UBR4: variants seen among roughly 807,000 people sequenced by gnomAD.
The protein encoded by UBR4 is E3 ubiquitin-protein ligase UBR4.
Under a neutral mutation model 575.6 loss-of-function variants are expected in UBR4, and 124 were observed. The ratio of observed to expected loss-of-function variants is 0.22; its 90% CI spans 0.19 to 0.25. The LOEUF (loss-of-function observed/expected upper bound fraction) is 0.25, where lower values mean the gene tolerates loss of function less well. Among genes scored for constraint, UBR4 ranks in the 10% least tolerant of loss-of-function variants. The probability of loss-of-function intolerance (pLI) is 1.00; values close to 1 mark genes in which losing one functional copy is unlikely to be tolerated. For missense variants in UBR4, 4,818 were observed against 6,478.8 expected, an observed-to-expected ratio of 0.74 and a Z score of 8.80; for synonymous variants, 2,455 against 2,473.7, an observed-to-expected ratio of 0.99 and a Z score of 0.22.
intron 37 of UBR4, 99 bp downstream of exon 37, chr1:19,161,490 C>A: frequency 6.8e-7 from 1 of 1,467,914 alleles, no homozygotes; most frequent in Non-Finnish European, 9.2e-7. Flanking sequence ...TATTCCTAGA[C>A]TCAGGTATCC....
intron 55 of UBR4, among the ~76,000 whole-genome samples, chr1:19,143,259 GAAGAAAGA>G (rs200550539): frequency 0.06 from 5,431 of 90,734 alleles, 226 homozygotes; most frequent in South Asian, 0.088. Context: ...AGGAAGGAAG[GAAGAAAGA>G]AAGAAAGAAA....
intron 60 of UBR4, among the ~76,000 whole-genome samples, chr1:19,130,737 T>C (rs143742586): frequency 2.6e-5 from 4 of 152,306 alleles, no homozygotes; most frequent in East Asian, 1.9e-4. Context: ...AGCAGTTCAA[T>C]AGTTTGAACA....
chr1:19,126,755 T>C (rs1056944615), intron 63 of UBR4, 100 bp from the exon 64 acceptor site: 21 of 1,243,658 alleles, frequency 1.7e-5, no homozygotes, highest in Non-Finnish European at 2.4e-5. Context: ...CACAACAGTC[T>C]TAGCTTTTAT....
chr1:19,199,923 A>G (rs982932990), intron 2 of UBR4, among the ~76,000 whole-genome samples, 169 bp from the exon 3 acceptor site: 1 of 152,242 alleles, frequency 6.6e-6, no homozygotes, highest in Non-Finnish European at 1.5e-5. Context: ...TAACTACCAG[A>G]TCAATTTATC....
rs2150401047 is a variant in UBR4, at chr1:19,156,855, C to T, written c.5831G>A (p.Arg1944His). Reference sequence around the variant, plus strand: ...AAAAGGAACTGGGGCAGAAGCCAAGCGGGTCAGAGTTAACTTCCTTTTGCT... The same window carrying T: ...AAAAGGAACTGGGGCAGAAGCCAAGTGGGTCAGAGTTAACTTCCTTTTGCT... ...DSSKRKLTLTRLASAPVPFTV... is the reference protein window; with the variant it reads ...DSSKRKLTLTHLASAPVPFTV... Residue 1944 changes from arginine (R) to histidine (H), a missense_variant, in exon 41 of 106, where the codon CGC becomes CAC. By Grantham distance (29) the Arg-to-His change is conservative. This residue lies in a region of UBR4 where 461 missense variants were observed against 606.9 expected (regional missense o/e 0.76). Transcript: ENST00000375254. 2 of 1,614,128 alleles carry T rather than the reference C, an allele frequency of 1.2e-6. No homozygotes were observed. The highest frequency in any genetic ancestry group is 1.7e-6 in the Non-Finnish European group (2 of 1,180,004).
rs991672136 is a variant in UBR4 at position 19,155,680 on chromosome 1, A to T, written c.6073-12T>A. The T allele has an allele frequency of 5.6e-6, 9 of 1,605,990 alleles. No individual in the cohort carries two copies. Among genetic ancestry groups the T allele is most frequent in the Non-Finnish European group, 6.8e-6 (8 of 1,172,998 alleles). On this transcript the variant is annotated splice_polypyrimidine_tract_variant and intron_variant, in intron 42 of 105. Transcript: ENST00000375254. The stretch of plus-strand genomic sequence containing the variant: ...CACAGGTCATAAATCTGCAGGATGG[A>T]AGAAAAATTAAATAAGGGAAATCTA...
At chr1:19,135,469 T>C (rs971281279) in intron 60 of UBR4, among the ~76,000 whole-genome samples, 2 of 152,224 alleles carry the variant, frequency 1.3e-5, no homozygotes, top group African/African-American at 4.8e-5. Context: ...TGGCTCTATA[T>C]CAATTTGAAG....
intron 61 of UBR4, 132 bp from the exon 62 acceptor site, chr1:19,128,450 T>C (rs2082058050): frequency 1.3e-6 from 1 of 760,712 alleles, no homozygotes; most frequent in Admixed American, 2.8e-5. Context: ...ATTATAGCGT[T>C]CTAAATTCCA....
At position 19,201,763 on chromosome 1, in the gene UBR4, A is replaced by C. The variant is rs760300816; in HGVS notation, c.229T>G (p.Phe77Val). 6.2e-7 allele frequency: 1 copy of C among 1,614,140 alleles called. No individual in the cohort carries two copies. Among genetic ancestry groups the C allele is most frequent in the Non-Finnish European group, 8.5e-7 (1 of 1,179,994 alleles). ...ATATAGTGTGTGGAAAGTGCAACAA[A>C]AGATGAGTAGAATGGCTCGTACTGC... ...EKQYEPFYSSFVALSTHYITT... is the reference protein window; with the variant it reads ...EKQYEPFYSSVVALSTHYITT... Residue 77 changes from phenylalanine to valine, a missense_variant, in exon 2 of 106, where the codon TTT (phenylalanine) becomes GTT (valine). Coordinates refer to ENST00000375254, the MANE Select transcript of UBR4 (RefSeq NM_020765.3).
chr1:19,128,564 G>C (rs899165186), intron 61 of UBR4, among the ~76,000 whole-genome samples: 1 of 152,146 alleles, frequency 6.6e-6, no homozygotes, highest in African/African-American at 2.4e-5. Flanking sequence ...TAAAATTAAT[G>C]GACTAACCTA....
intron 1 of UBR4, among the ~76,000 whole-genome samples, chr1:19,209,801 A>G (rs2093222228): frequency 6.6e-6 from 1 of 152,212 alleles, no homozygotes. Context: ...GGGCGAATGC[A>G]TCTCACTCTC....
chr1:19,191,268 G>C (rs1039914429), intron 11 of UBR4, among the ~76,000 whole-genome samples: 2 of 152,062 alleles, frequency 1.3e-5, no homozygotes, highest in Non-Finnish European at 2.9e-5. Context: ...CCAAGAGTTC[G>C]AGACCCTGCC....
chr1:19,207,088 G>T (rs2093047803), intron 1 of UBR4, among the ~76,000 whole-genome samples: 1 of 152,176 alleles, frequency 6.6e-6, no homozygotes, highest in Admixed American at 6.5e-5. Context: ...CAGAAAAACA[G>T]ATGGTCCCCG....
rs535369262 is a variant in UBR4, at chr1:19,166,714, C to CAA, written c.4109+306_4109+307dup. Among the ~76,000 whole-genome samples, 31 of 73,746 alleles carry CAA rather than the reference C, an allele frequency of 4.2e-4. 3 individuals carry two copies. The highest frequency in any genetic ancestry group is 5.3e-4 in the African/African-American group (8 of 15,128). 48.4% of individuals were successfully genotyped at this position (73,746 alleles called of 152,430 possible). A position where few individuals can be genotyped will look rare whatever the true frequency, so the allele number is the denominator to read the frequency against. On this transcript the variant is annotated intron_variant, in intron 29 of 105. Transcript: ENST00000375254. ...ACAACATGGCAAACTCCATCTCTACCAAAAAAAAAAAAAAAAAAAAAAAAA... is the reference window on the plus strand; with the variant it reads ...ACAACATGGCAAACTCCATCTCTACCAAAAAAAAAAAAAAAAAAAAAAAAAAA...
chr1:19,134,253 C>CA (rs1448485992), intron 60 of UBR4, among the ~76,000 whole-genome samples: 2 of 149,612 alleles, frequency 1.3e-5, no homozygotes, highest in Non-Finnish European at 3.0e-5. Flanking sequence ...GACTCTGTCT[C>CA]AAAAATAAAT....
chr1:19,076,848 T>A lies in UBR4; in HGVS notation c.15379A>T (p.Ile5127Phe), dbSNP rs764444165. Reference protein sequence around the residue: ...GGWSCSLAEYIRHNDMPIYEA... With the variant: ...GGWSCSLAEYFRHNDMPIYEA... Reference sequence around the variant, plus strand: ...TAGATGGGCATGTCGTTGTGGCGGATGTACTCAGCGAGAGAGCAGGACCAG... The same window carrying A: ...TAGATGGGCATGTCGTTGTGGCGGAAGTACTCAGCGAGAGAGCAGGACCAG... Residue 5127 changes from isoleucine to phenylalanine, a missense_variant, in exon 105 of 106, where the codon ATC (isoleucine) becomes TTC (phenylalanine). Ile to Phe is a conservative substitution (Grantham distance 21, BLOSUM62 0). Around this residue, in one of 29 missense-constraint regions of UBR4, gnomAD observed 212 missense variants for 221.3 expected, o/e 0.96. Transcript: ENST00000375254. The A allele has an allele frequency of 6.2e-6, 10 of 1,611,480 alleles. No homozygotes were observed. Among genetic ancestry groups the A allele is most frequent in the African/African-American group, 2.7e-5 (2 of 74,760 alleles).
In UBR4 at chr1:19,117,031, A is replaced by G. The variant is rs1268199861; in HGVS notation, c.10823+190T>C. On this transcript the variant is annotated intron_variant, in intron 73 of 105. Coordinates refer to ENST00000375254, the MANE Select transcript of UBR4 (RefSeq NM_020765.3). The surrounding 1 kb of genome is among the most constrained non-coding windows in gnomAD (Gnocchi z 4.0). ...CCCTATGGCTCCACTGGGCTAATTT[A>G]GAAATAATCTTTGTCAACATGCTTA... Among the ~76,000 whole-genome samples, 1 of 152,158 alleles carries G rather than the reference A, an allele frequency of 6.6e-6. No homozygotes were observed. Among genetic ancestry groups the G allele is most frequent in the East Asian group, 1.9e-4 (1 of 5,186 alleles).
chr1:19,131,034 G>C (rs1391152068), intron 60 of UBR4, among the ~76,000 whole-genome samples: 1 of 151,826 alleles, frequency 6.6e-6, no homozygotes, highest in Non-Finnish European at 1.5e-5. Flanking sequence ...TCAGCCTCCT[G>C]AGTAGCTGGT....
At chr1:19,177,888 G>A in intron 18 of UBR4, 145 bp from the exon 19 acceptor site, 1 of 1,067,054 alleles carries the variant, frequency 9.4e-7, no homozygotes, top group Non-Finnish European at 1.3e-6. Flanking sequence ...ACATGGTAAA[G>A]ACAAGACAGA....
Sources: allele counts gnomAD v4.1 joint callset (sites outside exome capture counted in the v4.1 genomes callset), GRCh38; gene constraint gnomAD v4.1.1; regional missense constraint gnomAD v4.1.1; non-coding constraint Gnocchi (gnomAD v3.1); transcripts MANE v1.5; gene names NCBI Gene and HGNC (gene_info 2026-07-23, HGNC 2026-07-21).